ARID4B: variants seen among roughly 807,000 people sequenced by gnomAD.
ARID4B encodes the protein AT-rich interactive domain-containing protein 4B.
Under a neutral mutation model 147.5 loss-of-function variants are expected in ARID4B, and 26 were observed. The ratio of observed to expected loss-of-function variants is 0.18; its 90% confidence interval spans 0.13 to 0.24. The LOEUF (loss-of-function observed/expected upper bound fraction) is 0.24. Among genes scored for constraint, ARID4B ranks in the 10% least tolerant of loss-of-function variants. ARID4B has a pLI of 1.00. For missense variants in ARID4B, 1,179 were observed against 1,511.5 expected, an observed-to-expected ratio of 0.78 and a Z score of 3.65; for synonymous variants, 512 against 507.9, an observed-to-expected ratio of 1.01 and a Z score of -0.11.
intron 2 of ARID4B, among the ~76,000 whole-genome samples, chr1:235,267,455 A>C (rs1191330552): frequency 6.6e-6 from 1 of 152,234 alleles, no homozygotes; most frequent in Non-Finnish European, 1.5e-5. Flanking sequence ...TTTATATACC[A>C]AACAGTGTAC....
chr1:235,295,586 C>T (rs745438255), intron 2 of ARID4B, among the ~76,000 whole-genome samples: 8 of 150,742 alleles, frequency 5.3e-5, no homozygotes, highest in Non-Finnish European at 8.8e-5. Flanking sequence ...CCAAGGCAGG[C>T]GGATCCGGAG....
At chr1:235,178,803 C>A (rs2102914323) in intron 20 of ARID4B, among the ~76,000 whole-genome samples, 1 of 152,212 alleles carries the variant, frequency 6.6e-6, no homozygotes, top group East Asian at 1.9e-4. Flanking sequence ...TAAAACCTAA[C>A]TTCCTTGATC....
chr1:235,293,296 T>C (rs1433292104), intron 2 of ARID4B, among the ~76,000 whole-genome samples: 3 of 152,198 alleles, frequency 2.0e-5, no homozygotes, highest in Non-Finnish European at 2.9e-5. Flanking sequence ...ATACTGATCA[T>C]TAACACAAAC....
At chr1:235,241,772 T>C (rs1215694233) in intron 7 of ARID4B, among the ~76,000 whole-genome samples, 1 of 151,788 alleles carries the variant, frequency 6.6e-6, no homozygotes, top group East Asian at 1.9e-4. Context: ...CCACCTCGCC[T>C]CCCAAAGTGC....
At chr1:235,229,426 G>A in intron 10 of ARID4B, 41 bp from the exon 11 acceptor site, 1 of 1,374,742 alleles carries the variant, frequency 7.3e-7, no homozygotes. Flanking sequence ...AAGAAATTAA[G>A]ACAATTGTTT....
chr1:235,172,839 C>A (rs1663465710), intron 22 of ARID4B, 75 bp from the exon 23 acceptor site: 11 of 1,228,232 alleles, frequency 9.0e-6, no homozygotes, highest in Non-Finnish European at 1.2e-5. Context: ...GAACATCGAG[C>A]ATGGCTGCTG....
chr1:235,203,195 G>T (rs1666069121), intron 17 of ARID4B, among the ~76,000 whole-genome samples: 1 of 152,118 alleles, frequency 6.6e-6, no homozygotes, highest in Admixed American at 6.6e-5. Context: ...AGAAAAATTG[G>T]ATTTCTAAAA....
At chr1:235,188,528 T>C (rs953258079) in intron 19 of ARID4B, among the ~76,000 whole-genome samples, 1 of 152,166 alleles carries the variant, frequency 6.6e-6, no homozygotes, top group Non-Finnish European at 1.5e-5. Flanking sequence ...CTGAAGACAG[T>C]AGGAGAGGGC....
intron 19 of ARID4B, among the ~76,000 whole-genome samples, chr1:235,192,551 AAAT>A (rs1365830775): frequency 1.3e-5 from 2 of 151,538 alleles, no homozygotes; most frequent in African/African-American, 4.8e-5. Context: ...TTGGTTTATA[AAAT>A]AATGAGTTAA....
rs553632185 is a variant in ARID4B, at chr1:235,177,963, T to C, written c.3335-50A>G. The C allele has an allele frequency of 3.7e-5, 39 of 1,055,216 alleles. No individual in the cohort carries two copies. In the South Asian group the frequency reaches 5.1e-4, roughly 14 times the overall value. The allele number at this position is 1,055,216 out of a possible 1,614,324, so 65.4% of individuals were successfully genotyped here. A position where few individuals can be genotyped will look rare whatever the true frequency, so the allele number is the denominator to read the frequency against. ...ACACAAAATAAAATCCAACATTCCC[T>C]AAGTATAAATTAATTCCACATTTTA... On this transcript the variant is annotated intron_variant, in intron 20 of 23. Transcript: ENST00000264183.
At chr1:235,272,448 C>G (rs1469123460) in intron 2 of ARID4B, among the ~76,000 whole-genome samples, 1 of 151,914 alleles carries the variant, frequency 6.6e-6, no homozygotes, top group Non-Finnish European at 1.5e-5. Context: ...TTAGTTAAGC[C>G]CTGCTAAATG....
chr1:235,197,237 T>C (rs1665568618), intron 17 of ARID4B, among the ~76,000 whole-genome samples: 1 of 152,210 alleles, frequency 6.6e-6, no homozygotes, highest in Non-Finnish European at 1.5e-5. Flanking sequence ...CAAAGTTATA[T>C]ACATTACTCA....
intron 2 of ARID4B, among the ~76,000 whole-genome samples, chr1:235,275,018 T>TGC (rs1478769993): frequency 1.1e-4 from 16 of 145,218 alleles, no homozygotes; most frequent in African/African-American, 1.8e-4. Context: ...TGTGTGTGTG[T>TGC]GTGTGCACGC....
rs755811896 is a variant in ARID4B at position 235,182,061 on chromosome 1, G to C, written c.2858C>G (p.Ala953Gly). The C allele has an allele frequency of 6.2e-7, 1 of 1,614,150 alleles. No homozygotes were observed. Among genetic ancestry groups the C allele is most frequent in the South Asian group, 1.1e-5 (1 of 91,080 alleles). Residue 953 changes from alanine (A) to glycine (G), a missense_variant, in exon 20 of 24, where the codon GCT becomes GGT. Coordinates refer to ENST00000264183, the MANE Select transcript of ARID4B (RefSeq NM_016374.6). ...LFSDSDTEAA[A>G]SPPHPAPEEG... ...CTCTGGGGCAGGATGCGGTGGGGAA[G>C]CTGCAGCCTCAGTATCAGAGTCTGA...
rs772707031 is a variant in ARID4B at position 235,168,669 on chromosome 1, C to A, written c.3812-17G>T. The A allele has an allele frequency of 5.0e-6, 8 of 1,606,222 alleles. No homozygotes were observed. Among genetic ancestry groups the A allele is most frequent in the Non-Finnish European group, 6.8e-6 (8 of 1,175,708 alleles). On this transcript the variant is annotated splice_polypyrimidine_tract_variant and intron_variant, in intron 23 of 23. Transcript: ENST00000264183. ...TAGCAGCACCTAAGGAAAAGGGAGA[C>A]CAAACCAAGAGCTTAATAAAAATTT...
chr1:235,186,589 GA>G (rs1664702017), intron 19 of ARID4B, among the ~76,000 whole-genome samples: 1 of 152,022 alleles, frequency 6.6e-6, no homozygotes, highest in Non-Finnish European at 1.5e-5. Flanking sequence ...TTTTAGCAGA[GA>G]TGGGGTTTCA....
At chr1:235,204,893 G>A (rs1388316162) in intron 17 of ARID4B, among the ~76,000 whole-genome samples, 1 of 152,088 alleles carries the variant, frequency 6.6e-6, no homozygotes, top group Non-Finnish European at 1.5e-5. Flanking sequence ...GCCCATTTGA[G>A]TACAACACAT....
chr1:235,204,374 T>C (rs1666169754), intron 17 of ARID4B, among the ~76,000 whole-genome samples: 1 of 152,178 alleles, frequency 6.6e-6, no homozygotes, highest in African/African-American at 2.4e-5. Context: ...ACATTTCATA[T>C]TTCTACTTCA....
intron 21 of ARID4B, 178 bp from the exon 22 acceptor site, chr1:235,175,577 T>G (rs978060684): frequency 1.7e-6 from 1 of 591,690 alleles, no homozygotes; most frequent in African/African-American, 1.9e-5. Flanking sequence ...AAACAAAAAA[T>G]TCTTCTTACC....
Sources: allele counts gnomAD v4.1 joint callset (sites outside exome capture counted in the v4.1 genomes callset), GRCh38; gene constraint gnomAD v4.1.1; transcripts MANE v1.5; gene names NCBI Gene and HGNC (gene_info 2026-07-23, HGNC 2026-07-21).